The following METTL15 variants were observed in gnomAD, a reference collection of about 807,000 sequenced individuals.
METTL15 encodes methyltransferase 15, mitochondrial 12S rRNA N4-cytidine.
Under a neutral mutation model 38.3 loss-of-function variants are expected in METTL15, and 34 were observed. That is an observed-to-expected ratio of 0.89 (90% confidence interval 0.68 to 1.18). The LOEUF is 1.18. Among genes scored for constraint, METTL15 ranks in the 50% most tolerant of loss-of-function variants. METTL15 has a pLI of 0.00. For synonymous variants in METTL15, 162 were observed against 170.9 expected (o/e 0.95, Z 0.41); for missense variants, 438 against 498.4 (o/e 0.88, Z 1.15).
intron 4 of METTL15, among the ~76,000 whole-genome samples, chr11:28,286,906 T>G (rs532604680): frequency 6.6e-6 from 1 of 151,754 alleles, no homozygotes; most frequent in African/African-American, 2.4e-5. Flanking sequence ...TATATATATG[T>G]GTGTGTGTAC....
chr11:28,167,406 A>G (rs890837084), intron 3 of METTL15, among the ~76,000 whole-genome samples: 10 of 152,130 alleles, frequency 6.6e-5, no homozygotes, highest in African/African-American at 2.4e-4. Context: ...CAAATAGTCC[A>G]CCTTGCGAAT....
chr11:28,163,763 C>A (rs1354523507), intron 3 of METTL15: 3 of 248,432 alleles, frequency 1.2e-5, no homozygotes, highest in East Asian at 7.2e-5. Context: ...TTTTTTAAGT[C>A]CTTTTTTTCT....
At chr11:28,426,602 T>G (rs1158731916) in intron 6 of METTL15, among the ~76,000 whole-genome samples, 2 of 150,884 alleles carry the variant, frequency 1.3e-5, no homozygotes, top group African/African-American at 4.9e-5. Context: ...TTTTTTTTTT[T>G]TTTTGACTTT....
chr11:28,345,708 A>G (rs1849990446), intron 3 of METTL15, among the ~76,000 whole-genome samples: 1 of 152,140 alleles, frequency 6.6e-6, no homozygotes, highest in African/African-American at 2.4e-5. Context: ...CGCCAACAAG[A>G]CAGCCTTTAA....
intron 6 of METTL15, among the ~76,000 whole-genome samples, chr11:28,304,573 G>C (rs1857017601): frequency 6.6e-6 from 1 of 151,948 alleles, no homozygotes; most frequent in Admixed American, 6.6e-5. Flanking sequence ...AAAATTAGCC[G>C]GGTGTGGTGG....
intron 6 of METTL15, among the ~76,000 whole-genome samples, chr11:28,523,760 T>C (rs1346778470): frequency 6.6e-6 from 1 of 152,222 alleles, no homozygotes; most frequent in East Asian, 1.9e-4. Flanking sequence ...ATTCTATGAA[T>C]TTGACCAAAT....
chr11:28,235,802 T>G (rs893548301), intron 4 of METTL15, among the ~76,000 whole-genome samples: 2 of 152,224 alleles, frequency 1.3e-5, no homozygotes, highest in African/African-American at 2.4e-5. Flanking sequence ...CTTTATTTCC[T>G]TCTCCTGCCT....
intron 6 of METTL15, among the ~76,000 whole-genome samples, chr11:28,424,794 T>C (rs895679173): frequency 6.6e-6 from 1 of 152,202 alleles, no homozygotes; most frequent in East Asian, 1.9e-4. Flanking sequence ...ACTTTTTGCA[T>C]GGCTGGTATG....
chr11:28,511,027 A>G (rs1214360797), intron 6 of METTL15, among the ~76,000 whole-genome samples: 1 of 152,106 alleles, frequency 6.6e-6, no homozygotes, highest in Non-Finnish European at 1.5e-5. Context: ...ACTTCTTAAG[A>G]TTTTTTTACA....
chr11:28,455,216 C>CTTTTTTTT (rs34686157), intron 6 of METTL15, among the ~76,000 whole-genome samples: 1 of 85,834 alleles, frequency 1.2e-5, no homozygotes. Flanking sequence ...GATCAGCTAG[C>CTTTTTTTT]TTTTTTTTTT....
intron 3 of METTL15, among the ~76,000 whole-genome samples, chr11:28,176,155 AAAG>A (rs1851067729): frequency 6.6e-6 from 1 of 152,040 alleles, no homozygotes; most frequent in African/African-American, 2.4e-5. Context: ...TTGTATTTCA[AAAG>A]AAATATATTT....
At chr11:28,197,577 C>T (rs1384961138) in intron 3 of METTL15, 1 of 430,816 alleles carries the variant, frequency 2.3e-6, no homozygotes, top group Non-Finnish European at 4.8e-6. Context: ...ACAAGGATTT[C>T]CTGGTGGTAT....
intron 3 of METTL15, among the ~76,000 whole-genome samples, chr11:28,191,032 C>G (rs953423088): frequency 6.6e-6 from 1 of 151,026 alleles, no homozygotes; most frequent in African/African-American, 2.4e-5. Flanking sequence ...CTGTGTATCT[C>G]CTAGAAGGCA....
intron 4 of METTL15, among the ~76,000 whole-genome samples, chr11:28,236,685 T>G (rs1322210667): frequency 1.3e-5 from 2 of 152,224 alleles, no homozygotes; most frequent in Non-Finnish European, 2.9e-5. Flanking sequence ...TGATGCAGTT[T>G]CTTCCTAATC....
At chr11:28,440,415 C>T (rs1297418977) in intron 6 of METTL15, among the ~76,000 whole-genome samples, 1 of 151,824 alleles carries the variant, frequency 6.6e-6, no homozygotes, top group Non-Finnish European at 1.5e-5. Context: ...GCATTTTTGT[C>T]AGGAAAAAAA....
chr11:28,231,220 TTAAGA>T (rs1362236400), intron 4 of METTL15, among the ~76,000 whole-genome samples: 1 of 151,834 alleles, frequency 6.6e-6, no homozygotes. Context: ...AAGTATTTAT[TTAAGA>T]TAAGTGTCAG....
chr11:28,109,537 TTTGTC>T (rs1258896293), intron 1 of METTL15, among the ~76,000 whole-genome samples: 4 of 152,194 alleles, frequency 2.6e-5, no homozygotes, highest in African/African-American at 4.8e-5. Context: ...AACACAAAAT[TTTGTC>T]TTGAACTATA....
intron 5 of METTL15, among the ~76,000 whole-genome samples, chr11:28,388,629 C>T (rs1164777847): frequency 6.6e-6 from 1 of 152,060 alleles, no homozygotes; most frequent in Non-Finnish European, 1.5e-5. Context: ...TCCATACATA[C>T]TTAAGTATTC....
At chr11:28,466,825 T>C (rs1394725587) in intron 6 of METTL15, among the ~76,000 whole-genome samples, 5 of 152,176 alleles carry the variant, frequency 3.3e-5, no homozygotes, top group Admixed American at 3.3e-4. Context: ...GCATTTAGGC[T>C]CCATGGTTTG....
Sources: allele counts gnomAD v4.1 joint callset (sites outside exome capture counted in the v4.1 genomes callset), GRCh38; gene constraint gnomAD v4.1.1; transcripts MANE v1.5; gene names NCBI Gene and HGNC (gene_info 2026-07-23, HGNC 2026-07-21).